Variants in SUMF1 observed in about 807,000 individuals in gnomAD.
SUMF1 encodes the protein formylglycine-generating enzyme.
In SUMF1, 48 loss-of-function variants were observed where a neutral mutation model predicts 47.6. The observed-to-expected ratio is 1.01, with a 90% confidence interval of 0.80 to 1.28. The LOEUF (loss-of-function observed/expected upper bound fraction) is 1.28, where lower values mean the gene tolerates loss of function less well. Among genes scored for constraint, SUMF1 ranks in the 50% most tolerant of loss-of-function variants. The pLI, the probability that SUMF1 is intolerant of heterozygous loss-of-function variation, is 0.00. For missense variants in SUMF1, 571 were observed against 485.4 expected (o/e 1.18, Z -1.66); for synonymous variants, 230 against 192.1 (o/e 1.20, Z -1.63).
At chr3:4,347,985 A>C (rs2125150367) in intron 8 of SUMF1, among the ~76,000 whole-genome samples, 1 of 152,284 alleles carries the variant, frequency 6.6e-6, no homozygotes, top group African/African-American at 2.4e-5. Context: ...AGAGATGTGA[A>C]GGACCTCTCC....
chr3:4,084,445 A>C (rs773877452), intron 8 of SUMF1, among the ~76,000 whole-genome samples: 1 of 152,174 alleles, frequency 6.6e-6, no homozygotes, highest in Non-Finnish European at 1.5e-5. Flanking sequence ...ATGTGGAAAT[A>C]ATTCACCTCT....
At chr3:4,035,398 C>T (rs866225583) in intron 9 of SUMF1, among the ~76,000 whole-genome samples, 6 of 152,262 alleles carry the variant, frequency 3.9e-5, no homozygotes, top group Non-Finnish European at 5.9e-5. Context: ...TCTGCCTCTG[C>T]GTTCATGTGA....
chr3:4,333,874 T>A (rs1699096440), intron 8 of SUMF1, among the ~76,000 whole-genome samples: 1 of 152,030 alleles, frequency 6.6e-6, no homozygotes, highest in African/African-American at 2.4e-5. Flanking sequence ...ACACTTGTAA[T>A]CCCAGCACTT....
intron 8 of SUMF1, among the ~76,000 whole-genome samples, chr3:4,210,821 G>C (rs1199774163): frequency 7.2e-5 from 11 of 151,964 alleles, no homozygotes; most frequent in African/African-American, 2.7e-4. Flanking sequence ...CATTTGTGTC[G>C]CTGGGCTGGG....
At chr3:4,359,493 T>G (rs1162059097), downstream of SUMF1, among the ~76,000 whole-genome samples, 1 of 152,172 alleles carries the variant, frequency 6.6e-6, no homozygotes, top group Non-Finnish European at 1.5e-5. Flanking sequence ...TTGTTGCTGT[T>G]ATAACTCCGT....
rs146644360 is a variant in SUMF1, at chr3:4,086,536, C to G, written c.1015-17791G>C. Among the ~76,000 whole-genome samples, 1,008 of 152,154 alleles carry G rather than the reference C, an allele frequency of 6.6e-3. 16 individuals carry two copies. The highest frequency in any genetic ancestry group is 0.023 in the African/African-American group (952 of 41,484). On this transcript the variant is annotated intron_variant and NMD_transcript_variant, in intron 8 of 12. Coordinates refer to the SUMF1 transcript ENST00000448413. ...TAACCTTTCCTGAGTACCAGAATTC[C>G]TCATCTATTAAATAGAGACAAAATC... is the stretch of plus-strand genomic sequence containing the variant.
chr3:4,156,800 A>C (rs1474207882), intron 8 of SUMF1, among the ~76,000 whole-genome samples: 1 of 151,714 alleles, frequency 6.6e-6, no homozygotes, highest in Non-Finnish European at 1.5e-5. Flanking sequence ...AATCCATTTG[A>C]GTTCAACTCA....
chr3:4,069,179 C>T (rs1480404153), intron 8 of SUMF1, among the ~76,000 whole-genome samples: 1 of 152,064 alleles, frequency 6.6e-6, no homozygotes, highest in Non-Finnish European at 1.5e-5. Flanking sequence ...GATAACTAGT[C>T]ACAGAAGGCT....
At chr3:4,058,965 G>A (rs899222961) in intron 9 of SUMF1, among the ~76,000 whole-genome samples, 1 of 151,990 alleles carries the variant, frequency 6.6e-6, no homozygotes, top group Non-Finnish European at 1.5e-5. Flanking sequence ...CCAAATAATG[G>A]GTGACTGCAT....
chr3:4,146,565 T>C lies in SUMF1; in HGVS notation c.1015-77820A>G, dbSNP rs562517733. Among the ~76,000 whole-genome samples, 845 of 152,152 alleles carry C rather than the reference T, an allele frequency of 5.6e-3. 5 individuals are homozygous for C. The highest frequency in any genetic ancestry group is 9.8e-3 in the Non-Finnish European group (663 of 67,996). The stretch of plus-strand genomic sequence containing the variant: ...TTTTTTCTAATTATACTTTAAGTTC[T>C]AGGGTACATGTGCACAACGTGCTGG... On this transcript the variant is annotated intron_variant and NMD_transcript_variant, in intron 8 of 12. Coordinates refer to the SUMF1 transcript ENST00000448413.
rs532800723 is a variant in SUMF1, at chr3:4,091,108, C to A, written c.1015-22363G>T. Among the ~76,000 whole-genome samples, 181 of 150,024 alleles carry A rather than the reference C, an allele frequency of 1.2e-3. 2 individuals carry two copies. The highest frequency in any genetic ancestry group is 3.7e-3 in the East Asian group (19 of 5,100). On this transcript the variant is annotated intron_variant and NMD_transcript_variant, in intron 8 of 12. Coordinates refer to the SUMF1 transcript ENST00000448413. ...ACAACAACAACAACAAAAAAAAAAA[C>A]AAAAAACACACATTTTGGGTCTTTA...
intron 8 of SUMF1, among the ~76,000 whole-genome samples, chr3:4,365,035 T>A (rs1331029592): frequency 6.6e-6 from 1 of 152,010 alleles, no homozygotes; most frequent in Non-Finnish European, 1.5e-5. Context: ...TTTGAGTGAG[T>A]TTCTTAATCC....
In SUMF1 at chr3:4,296,429, G is replaced by A. The variant is rs143768000; in HGVS notation, c.1014+79901C>T. Among the ~76,000 whole-genome samples, 590 of 151,036 alleles carry A rather than the reference G, an allele frequency of 3.9e-3. 4 individuals are homozygous for A. Among genetic ancestry groups the A allele is most frequent in the African/African-American group, 0.014 (562 of 41,090 alleles). On this transcript the variant is annotated intron_variant and NMD_transcript_variant, in intron 8 of 12. Coordinates refer to the SUMF1 transcript ENST00000448413. ...GCTAATAAAGACATACCTGAGACTG[G>A]GTAATTTATAAAGGAAAAGAGGTTT...
At chr3:4,453,627 G>T (rs547561909) in intron 1 of SUMF1, among the ~76,000 whole-genome samples, 1 of 150,032 alleles carries the variant, frequency 6.7e-6, no homozygotes, top group Non-Finnish European at 1.5e-5. Context: ...TCCACCTCCC[G>T]GGTCCAAGTG....
At chr3:4,356,668 C>T (rs1274992013), downstream of SUMF1, among the ~76,000 whole-genome samples, 1 of 151,978 alleles carries the variant, frequency 6.6e-6, no homozygotes, top group Non-Finnish European at 1.5e-5. Flanking sequence ...AACGGGGCTG[C>T]AGAAGCAATT....
chr3:4,392,613 GTGTATATA>G (rs143334961), intron 7 of SUMF1, among the ~76,000 whole-genome samples: 6,318 of 77,714 alleles, frequency 0.081, 388 homozygotes, highest in African/African-American at 0.18. Context: ...GTGTGTGTGT[GTGTATATA>G]TATATATATA....
At chr3:4,255,618 G>C (rs1052715888) in intron 8 of SUMF1, among the ~76,000 whole-genome samples, 5 of 120,920 alleles carry the variant, frequency 4.1e-5, no homozygotes, top group African/African-American at 1.7e-4. Context: ...CATAAAGCAA[G>C]TCCTGAGTGA....
chr3:4,163,862 C>A (rs1249559133), intron 8 of SUMF1, among the ~76,000 whole-genome samples: 2 of 152,116 alleles, frequency 1.3e-5, no homozygotes, highest in African/African-American at 2.4e-5. Context: ...TATGAATTAC[C>A]TTGGAAAGGA....
At chr3:4,215,545 G>C (rs1183272182) in intron 8 of SUMF1, among the ~76,000 whole-genome samples, 1 of 152,026 alleles carries the variant, frequency 6.6e-6, no homozygotes, top group Non-Finnish European at 1.5e-5. Flanking sequence ...TTCTGGCCAG[G>C]GCAATCAGGC....
Sources: gnomAD v4.1 joint callset for allele counts (sites outside exome capture counted in the v4.1 genomes callset) on GRCh38, gnomAD v4.1.1 for gene constraint, MANE v1.5 for transcripts, NCBI Gene and HGNC (gene_info 2026-07-23, HGNC 2026-07-21) for gene names.